WRN: variants seen among roughly 807,000 people sequenced by gnomAD.
WRN encodes the protein WRN RecQ like helicase, also known as bifunctional 3'-5' exonuclease/ATP-dependent helicase WRN.
Under a neutral mutation model 180.7 loss-of-function variants are expected in WRN, and 149 were observed. The observed-to-expected ratio is 0.82, with a 90% confidence interval of 0.72 to 0.94. WRN has a LOEUF of 0.94. Among genes scored for constraint, WRN ranks in the 40% least tolerant of loss-of-function variants. WRN has a pLI of 0.00. For missense variants in WRN, 1,661 were observed against 1,700.1 expected, an observed-to-expected ratio of 0.98 and a Z score of 0.40; for synonymous variants, 548 against 568.9, an observed-to-expected ratio of 0.96 and a Z score of 0.52.
rs192333950 is a variant in WRN, at chr8:31,086,140, A to C, written c.1431+894A>C. Among the ~76,000 whole-genome samples the C allele has an allele frequency of 1.1e-3, 162 of 152,306 alleles. 1 individual carries two copies. Among genetic ancestry groups the C allele is most frequent in the African/African-American group, 3.3e-3 (138 of 41,564 alleles). ...TGTAGCTAAATTAAGTAAAAAATGAAGAAAAACACAGAAGTTCCCCATTAT... is the reference window on the plus strand; with the variant it reads ...TGTAGCTAAATTAAGTAAAAAATGACGAAAAACACAGAAGTTCCCCATTAT... On this transcript the variant is annotated intron_variant, in intron 11 of 34. Coordinates refer to ENST00000298139, the MANE Select transcript of WRN (RefSeq NM_000553.6).
At chr8:31,057,661 C>A (rs1216275545) in intron 1 of WRN, among the ~76,000 whole-genome samples, 1 of 152,030 alleles carries the variant, frequency 6.6e-6, no homozygotes, top group African/African-American at 2.4e-5. Context: ...AAGAACTAAG[C>A]CTTGAACTAA....
chr8:31,064,877 T>C (rs754996830), intron 4 of WRN, 38 bp from the exon 5 acceptor site: 1 of 1,610,146 alleles, frequency 6.2e-7, no homozygotes, highest in Admixed American at 1.7e-5. Flanking sequence ...TCCATCATAC[T>C]TGACAGAACT....
In WRN at chr8:31,085,340, A is replaced by G. The variant is rs1813489122; in HGVS notation, c.1431+94A>G. ...AACTAATTCTAAACCAGGTTCCACCACAATGAAATTGCTACTAATTATGTA... is the reference window on the plus strand; with the variant it reads ...AACTAATTCTAAACCAGGTTCCACCGCAATGAAATTGCTACTAATTATGTA... On this transcript the variant is annotated intron_variant, in intron 11 of 34. Transcript: ENST00000298139. 1.0e-5 allele frequency: 14 copies of G among 1,350,478 alleles called. No homozygotes were observed. The South Asian group carries it at 1.4e-4, about 13-fold the overall frequency. The allele number at this position is 1,350,478 out of a possible 1,614,324, so 83.7% of individuals were successfully genotyped here.
Position 31,113,696 on chromosome 8 carries a change from TCTC to T in WRN, c.2273+1900_2273+1902del, listed in dbSNP as rs1437855974. Among the ~76,000 whole-genome samples the T allele has an allele frequency of 3.3e-5, 5 of 152,296 alleles. No individual in the cohort carries two copies. The East Asian group carries it at 7.7e-4, about 24-fold the overall frequency. On this transcript the variant is annotated intron_variant, in intron 19 of 34. Transcript: ENST00000298139. ...TTGCCTTTTTTGTGTGTAATATTGT[TCTC>T]CTGGTTTTCTGACGTCCTGGTCCTC...
intron 18 of WRN, among the ~76,000 whole-genome samples, chr8:31,110,101 C>T (rs1010150023): frequency 1.2e-5 from 1 of 86,094 alleles, no homozygotes; most frequent in Non-Finnish European, 2.3e-5. Flanking sequence ...AACACTTAAC[C>T]GGTGAAAGTG....
intron 31 of WRN, among the ~76,000 whole-genome samples, chr8:31,154,219 G>A (rs189864061): frequency 9.2e-5 from 14 of 151,888 alleles, no homozygotes; most frequent in African/African-American, 2.9e-4. Context: ...ATTTCCTTAC[G>A]ATATATTAGT....
intron 33 of WRN, among the ~76,000 whole-genome samples, chr8:31,163,752 A>C (rs1044459169): frequency 2.0e-5 from 3 of 152,120 alleles, no homozygotes; most frequent in African/African-American, 7.2e-5. Context: ...CGGTTAATAC[A>C]CTGTATGTAG....
rs755746575 is a variant in WRN, at chr8:31,091,853, T to G, written c.1853T>G (p.Phe618Cys). 1.9e-6 allele frequency: 3 copies of G among 1,613,290 alleles called. No homozygotes were observed. Among genetic ancestry groups the G allele is most frequent in the South Asian group, 1.1e-5 (1 of 91,072 alleles). The change falls in exon 16 of 35, where the codon TTC (phenylalanine) becomes TGC (cysteine). Residue 618 changes from phenylalanine to cysteine, a missense_variant. Phe to Cys is a radical substitution (Grantham distance 205). Transcript: ENST00000298139. ...QLKMSNIPAC[F>C]LGSAQSENVL... The stretch of plus-strand genomic sequence containing the variant: ...AGAATGTCCAACATCCCAGCTTGCT[T>G]CCTTGGATCAGCACAGTCAGAAAAT...
chr8:31,118,639 C>T (rs1405417524), intron 20 of WRN, among the ~76,000 whole-genome samples: 1 of 151,984 alleles, frequency 6.6e-6, no homozygotes, highest in Admixed American at 6.6e-5. Context: ...GAGGTGACAG[C>T]TGTAGCTCTT....
At chr8:31,084,455 C>T (rs1385817617) in intron 10 of WRN, among the ~76,000 whole-genome samples, 1 of 151,962 alleles carries the variant, frequency 6.6e-6, no homozygotes, top group Non-Finnish European at 1.5e-5. Flanking sequence ...AGCTTATTTT[C>T]AATTTTTTTA....
chr8:31,149,532 T>A (rs1173634882), intron 30 of WRN, among the ~76,000 whole-genome samples: 2 of 111,110 alleles, frequency 1.8e-5, no homozygotes, highest in African/African-American at 6.9e-5. Context: ...TAGAGTGCAG[T>A]GGCGCGATCT....
chr8:31,076,065 T>G, intron 7 of WRN, 108 bp from the exon 8 acceptor site: 1 of 920,258 alleles, frequency 1.1e-6, no homozygotes, highest in East Asian at 2.5e-5. Context: ...GGAATTCATT[T>G]AAGGAAAGAA....
At chr8:31,087,248 TAAAAAC>T (rs1718733835) in intron 11 of WRN, among the ~76,000 whole-genome samples, 1 of 152,188 alleles carries the variant, frequency 6.6e-6, no homozygotes, top group African/African-American at 2.4e-5. Context: ...CAAGCCAAAA[TAAAAAC>T]AAATAACTTT....
chr8:31,156,108 A>G (rs902322699), intron 32 of WRN, among the ~76,000 whole-genome samples: 3 of 152,234 alleles, frequency 2.0e-5, no homozygotes, highest in African/African-American at 7.2e-5. Context: ...TACATGTTAA[A>G]TATGCCTGTA....
chr8:31,114,888 A>C (rs1482290454), intron 19 of WRN, among the ~76,000 whole-genome samples: 1 of 150,600 alleles, frequency 6.6e-6, no homozygotes, highest in African/African-American at 2.4e-5. Flanking sequence ...ATGTTTTTAA[A>C]ATAAGGTTTT....
chr8:31,174,764 C>A lies in WRN; in HGVS notation c.*1662C>A, dbSNP rs1804215284. On this transcript the variant is annotated 3_prime_UTR_variant, in exon 35 of 35. Transcript: ENST00000298139. ...CCTTCTTCTTCCTCTTCCTCTTCTT[C>A]TTTCTCTCTTTCCTTCCTTCCCTTC... is the stretch of plus-strand genomic sequence containing the variant. Among the ~76,000 whole-genome samples the A allele has an allele frequency of 2.7e-5, 4 of 146,200 alleles. No individual in the cohort carries two copies. The highest frequency in any genetic ancestry group is 4.5e-5 in the Non-Finnish European group (3 of 65,958).
chr8:31,069,052 A>G (rs1812813736), intron 7 of WRN, among the ~76,000 whole-genome samples: 2 of 152,248 alleles, frequency 1.3e-5, no homozygotes, highest in Non-Finnish European at 2.9e-5. Context: ...GTTTTATAGA[A>G]TAATTGTGAA....
At position 31,100,874 on chromosome 8, in the gene WRN, G is replaced by A. The variant is rs745697860; in HGVS notation, c.2007G>A (p.Glu669=). Reference sequence around the variant, plus strand: ...GTATCACGCTCATTGCTGTGGATGAGGCTCACTGTATTTCTGAGTGGGGGC... The same window carrying A: ...GTATCACGCTCATTGCTGTGGATGAAGCTCACTGTATTTCTGAGTGGGGGC... The part of the protein sequence containing the change: ...DIGITLIAVD[E]AHCISEWGHD... The change falls in exon 18 of 35, where the codon GAG becomes GAA. Residue 669 remains glutamate (E), a synonymous_variant. Coordinates refer to ENST00000298139, the MANE Select transcript of WRN (RefSeq NM_000553.6). The A allele has an allele frequency of 1.1e-5, 17 of 1,613,852 alleles. No individual in the cohort carries two copies. Among genetic ancestry groups the A allele is most frequent in the Non-Finnish European group, 1.4e-5 (17 of 1,179,982 alleles).
At chr8:31,079,124 C>T (rs1407585464) in intron 8 of WRN, among the ~76,000 whole-genome samples, 1 of 152,112 alleles carries the variant, frequency 6.6e-6, no homozygotes, top group Non-Finnish European at 1.5e-5. Context: ...AATTAGATAA[C>T]ATTAGTGTGC....
Sources: allele counts gnomAD v4.1 joint callset (sites outside exome capture counted in the v4.1 genomes callset), GRCh38; gene constraint gnomAD v4.1.1; transcripts MANE v1.5; gene names NCBI Gene and HGNC (gene_info 2026-07-23, HGNC 2026-07-21).